The following IQGAP2 variants were observed in gnomAD, a reference collection of about 807,000 sequenced individuals.
The protein encoded by IQGAP2 is IQ motif containing GTPase activating protein 2, also known as ras GTPase-activating-like protein IQGAP2.
In IQGAP2, 173 loss-of-function variants were observed where a neutral mutation model predicts 201.3. The observed-to-expected ratio is 0.86, with a 90% CI of 0.76 to 0.98. The LOEUF is 0.98. IQGAP2 is among the 50% of genes least tolerant of loss of function. IQGAP2 has a pLI of 0.00. For missense variants in IQGAP2, 1,687 were observed against 1,864.8 expected, an observed-to-expected ratio of 0.90 and a Z score of 1.76; for synonymous variants, 675 against 673.9, an observed-to-expected ratio of 1.00 and a Z score of -0.03.
Position 76,403,655 on chromosome 5 carries a change from T to A in IQGAP2, c.46+64T>A. On this transcript the variant is annotated intron_variant, in intron 1 of 35. Coordinates refer to ENST00000274364, the MANE Select transcript of IQGAP2 (RefSeq NM_006633.5). This position sits in a 1 kb window ranked among gnomAD's most constrained non-coding sequence, Gnocchi z 4.8. The stretch of plus-strand genomic sequence containing the variant: ...GGGAGCTCCCTCCCCGAGGACGGCG[T>A]TGGAGAAGCCGAGGGAGCCGGTTGC... 2 of 1,351,910 alleles carry A rather than the reference T, an allele frequency of 1.5e-6. No individual in the cohort carries two copies. Among genetic ancestry groups the A allele is most frequent in the Non-Finnish European group, 9.7e-7 (1 of 1,026,242 alleles). The allele number at this position is 1,351,910 out of a possible 1,614,324, so 83.7% of individuals were successfully genotyped here. A position where few individuals can be genotyped will look rare whatever the true frequency, so the allele number is the denominator to read the frequency against.
intron 2 of IQGAP2, among the ~76,000 whole-genome samples, chr5:76,478,208 T>C (rs1755563004): frequency 6.6e-6 from 1 of 152,040 alleles, no homozygotes; most frequent in East Asian, 1.9e-4. Flanking sequence ...GAGACCAGCC[T>C]GGCCAACATG....
At chr5:76,548,309 A>T (rs926380944) in intron 2 of IQGAP2, among the ~76,000 whole-genome samples, 3 of 152,214 alleles carry the variant, frequency 2.0e-5, no homozygotes, top group Non-Finnish European at 4.4e-5. Context: ...GACACTTCCG[A>T]AAGTGACCAC....
intron 1 of IQGAP2, among the ~76,000 whole-genome samples, chr5:76,405,699 A>G (rs1185246612): frequency 6.6e-6 from 1 of 152,130 alleles, no homozygotes; most frequent in African/African-American, 2.4e-5. Context: ...GTGTTAGTGT[A>G]ATTTCTGGTT....
chr5:76,668,953 A>C (rs1323217115), intron 23 of IQGAP2, 109 bp downstream of exon 23: 3 of 630,248 alleles, frequency 4.8e-6, no homozygotes, highest in South Asian at 2.9e-5. Context: ...AGTTATTCCC[A>C]CATATTAAAA....
intron 2 of IQGAP2, among the ~76,000 whole-genome samples, chr5:76,484,901 G>A (rs978335985): frequency 5.3e-5 from 8 of 152,240 alleles, no homozygotes; most frequent in Middle Eastern, 3.4e-3. Context: ...GCATGATCAC[G>A]ACTCATTGCA....
At chr5:76,648,566 T>C (rs184415016) in intron 17 of IQGAP2, among the ~76,000 whole-genome samples, 1 of 152,162 alleles carries the variant, frequency 6.6e-6, no homozygotes, top group African/African-American at 2.4e-5. Flanking sequence ...CACACAGAAA[T>C]GACGGATGTT....
At chr5:76,523,076 CTTTTTTT>C (rs35277348) in intron 2 of IQGAP2, among the ~76,000 whole-genome samples, 1 of 78,372 alleles carries the variant, frequency 1.3e-5, no homozygotes, top group Non-Finnish European at 2.3e-5. Context: ...TTTCTTTTGC[CTTTTTTT>C]TTTTTTTTTT....
At chr5:76,562,116 G>A (rs1744417606) in intron 2 of IQGAP2, among the ~76,000 whole-genome samples, 1 of 152,068 alleles carries the variant, frequency 6.6e-6, no homozygotes, top group African/African-American at 2.4e-5. Context: ...TCCTTCTTTG[G>A]CACAAAAGAG....
At chr5:76,667,385 T>C (rs17568154) in intron 22 of IQGAP2, among the ~76,000 whole-genome samples, 21,403 of 152,230 alleles carry the variant, frequency 0.14, 1,623 homozygotes, top group Non-Finnish European at 0.16. Context: ...GTATATTAGA[T>C]GAATACCAGT....
intron 2 of IQGAP2, among the ~76,000 whole-genome samples, chr5:76,475,278 T>C (rs1341589968): frequency 6.6e-6 from 1 of 152,084 alleles, no homozygotes; most frequent in Admixed American, 6.6e-5. Flanking sequence ...GTTTTGAAGA[T>C]CCAATTAGTG....
In IQGAP2 at chr5:76,575,805, A is replaced by C. The variant is rs368969032; in HGVS notation, c.458+36A>C. The C allele has an allele frequency of 1.5e-4, 180 of 1,220,670 alleles. 1 individual carries two copies. Among genetic ancestry groups the C allele is most frequent in the Non-Finnish European group, 1.8e-4 (155 of 868,746 alleles). The allele number at this position is 1,220,670 out of a possible 1,614,324, so 75.6% of individuals were successfully genotyped here. A position where few individuals can be genotyped will look rare whatever the true frequency, so the allele number is the denominator to read the frequency against. On this transcript the variant is annotated intron_variant, in intron 5 of 35. Transcript: ENST00000274364. ...AATGCAGCTAAAAGGTGCTCTAAGA[A>C]GTAGATTTAAATAAAACTAAAATTT...
At chr5:76,601,552 G>A (rs906896356) in intron 11 of IQGAP2, among the ~76,000 whole-genome samples, 14 of 152,156 alleles carry the variant, frequency 9.2e-5, no homozygotes, top group Non-Finnish European at 1.5e-4. Context: ...ACACTATAGC[G>A]GATCTTGAGA....
chr5:76,436,466 T>C (rs1255101787), intron 1 of IQGAP2, among the ~76,000 whole-genome samples: 6 of 133,414 alleles, frequency 4.5e-5, no homozygotes, highest in Non-Finnish European at 3.2e-5. Context: ...TCTGCATCTA[T>C]TGAGATGATC....
chr5:76,705,405 A>T (rs1747787093), intron 35 of IQGAP2, among the ~76,000 whole-genome samples: 1 of 152,236 alleles, frequency 6.6e-6, no homozygotes, highest in South Asian at 2.1e-4. Flanking sequence ...GTCTTAAGAT[A>T]GCAAATGGCA....
At chr5:76,657,257 T>G (rs547350637) in intron 20 of IQGAP2, among the ~76,000 whole-genome samples, 1 of 152,302 alleles carries the variant, frequency 6.6e-6, no homozygotes, top group East Asian at 1.9e-4. Context: ...GTGGGAGGGC[T>G]CATGTTCCCC....
intron 1 of IQGAP2, among the ~76,000 whole-genome samples, chr5:76,443,127 G>A (rs1753147223): frequency 6.6e-6 from 1 of 152,152 alleles, no homozygotes; most frequent in African/African-American, 2.4e-5. Flanking sequence ...TTTTAGGAAG[G>A]GGCTGGACAG....
chr5:76,700,102 T>G (rs1378563719), intron 33 of IQGAP2, among the ~76,000 whole-genome samples: 2 of 152,108 alleles, frequency 1.3e-5, no homozygotes, highest in African/African-American at 4.8e-5. Flanking sequence ...TACATATACA[T>G]GCAAGGAAGA....
chr5:76,664,917 A>G (rs1165311982), intron 21 of IQGAP2, 109 bp from the exon 22 acceptor site: 5 of 670,238 alleles, frequency 7.5e-6, no homozygotes, highest in South Asian at 5.8e-5. Context: ...GCACAATACA[A>G]TGAGGTATGC....
chr5:76,592,326 C>A (rs1043572219), intron 8 of IQGAP2, among the ~76,000 whole-genome samples: 1 of 152,198 alleles, frequency 6.6e-6, no homozygotes, highest in Admixed American at 6.5e-5. Context: ...TCTGTGTAAC[C>A]AAATCCTGCT....
Sources: gnomAD v4.1 joint callset for allele counts (sites outside exome capture counted in the v4.1 genomes callset) on GRCh38, gnomAD v4.1.1 for gene constraint, Gnocchi (gnomAD v3.1) non-coding constraint, MANE v1.5 for transcripts, NCBI Gene and HGNC (gene_info 2026-07-23, HGNC 2026-07-21) for gene names.